COL25A1: variants seen among roughly 807,000 people sequenced by gnomAD.
COL25A1 encodes the protein collagen type XXV alpha 1 chain.
A neutral mutation model predicts 128.4 loss-of-function variants in COL25A1; 103 were observed. The ratio of observed to expected loss-of-function variants is 0.80; its 90% CI spans 0.68 to 0.94. The LOEUF (loss-of-function observed/expected upper bound fraction) is 0.94. Ranked by LOEUF, COL25A1 falls within the 40% of genes least tolerant of loss-of-function variation. COL25A1 has a pLI of 0.00. For missense variants in COL25A1, 745 were observed against 840.0 expected (o/e 0.89, Z 1.40); for synonymous variants, 279 against 277.2 (o/e 1.01, Z -0.06).
chr4:109,182,702 C>T (rs1346191082), intron 3 of COL25A1, among the ~76,000 whole-genome samples: 4 of 152,032 alleles, frequency 2.6e-5, no homozygotes, highest in Admixed American at 2.6e-4. Flanking sequence ...TTAAACAAAA[C>T]TGCGATGACA....
intron 3 of COL25A1, among the ~76,000 whole-genome samples, chr4:109,287,107 G>T (rs936211501): frequency 2.6e-5 from 4 of 152,138 alleles, no homozygotes; most frequent in Non-Finnish European, 5.9e-5. Context: ...TATTTTTGAA[G>T]TCATGAAAAG....
chr4:109,225,631 A>G (rs1778750522), intron 3 of COL25A1, among the ~76,000 whole-genome samples: 1 of 152,180 alleles, frequency 6.6e-6, no homozygotes, highest in African/African-American at 2.4e-5. Flanking sequence ...AATTATATCA[A>G]AAAGAAACCT....
intron 3 of COL25A1, among the ~76,000 whole-genome samples, chr4:109,173,867 A>G (rs950208709): frequency 7.2e-5 from 11 of 152,018 alleles, no homozygotes; most frequent in African/African-American, 2.7e-4. Flanking sequence ...TTTGCATTAT[A>G]CTTACCGGTT....
chr4:109,010,379 A>T lies in COL25A1; in HGVS notation c.421-4T>A, dbSNP rs1286180462. ...TTACCTGAGGACCAGGCTGTCCCTG[A>T]AATTAAAAAGAAAAAGAAAAACAAT... On this transcript the variant is annotated splice_region_variant and splice_polypyrimidine_tract_variant and intron_variant, in intron 5 of 37. Coordinates refer to ENST00000399132, the MANE Select transcript of COL25A1 (RefSeq NM_198721.4). 1.3e-6 allele frequency: 2 copies of T among 1,571,652 alleles called. No individual in the cohort carries two copies. The highest frequency in any genetic ancestry group is 2.8e-5 in the African/African-American group (2 of 72,130).
At position 108,809,043 on chromosome 4, in the gene COL25A1, C is replaced by A. The variant is rs893551394; in HGVS notation, c.*4884G>T. ...AAAAATTGAACAGGGAGAATTCAAT[C>A]TTTCAATTATTTACACTACTGAGAT... On this transcript the variant is annotated 3_prime_UTR_variant, in exon 38 of 38. Transcript: ENST00000399132. The A allele has an allele frequency of 6.6e-6, 1 of 152,082 alleles. No homozygotes were observed. The highest frequency in any genetic ancestry group is 1.9e-4 in the East Asian group (1 of 5,194). 9.4% of individuals were successfully genotyped at this position (152,082 alleles called of 1,614,324 possible).
intron 5 of COL25A1, among the ~76,000 whole-genome samples, chr4:109,040,496 T>C (rs892103969): frequency 1.3e-5 from 2 of 152,246 alleles, no homozygotes; most frequent in African/African-American, 4.8e-5. Flanking sequence ...ACATTCAAAA[T>C]GTGTCTAAGC....
At chr4:108,984,409 T>TG in intron 6 of COL25A1, among the ~76,000 whole-genome samples, 1 of 151,924 alleles carries the variant, frequency 6.6e-6, no homozygotes, top group East Asian at 2.0e-4. Flanking sequence ...AGCCCTTGGG[T>TG]GGTTGATGGG....
At chr4:109,257,511 T>C (rs2126251759) in intron 3 of COL25A1, among the ~76,000 whole-genome samples, 1 of 152,290 alleles carries the variant, frequency 6.6e-6, no homozygotes, top group Non-Finnish European at 1.5e-5. Flanking sequence ...AATACTTGGA[T>C]AGGAAGAAAA....
chr4:109,214,268 A>G (rs2881148), intron 3 of COL25A1, among the ~76,000 whole-genome samples: 46,443 of 151,970 alleles, frequency 0.31, 7,470 homozygotes, highest in Middle Eastern at 0.4. Flanking sequence ...CATAAAATCA[A>G]TTAGGTTGTT....
Position 108,940,530 on chromosome 4 carries a change from G to A in COL25A1, c.672+9C>T. On this transcript the variant is annotated intron_variant, in intron 10 of 37. Coordinates refer to ENST00000399132, the MANE Select transcript of COL25A1 (RefSeq NM_198721.4). ...CGTGTGAGAATAAGTGATCCAAAAA[G>A]CGACTCACGGGTACTCCTGGCATTC... The A allele has an allele frequency of 6.2e-7, 1 of 1,608,878 alleles. No homozygotes were observed. The highest frequency in any genetic ancestry group is 8.5e-7 in the Non-Finnish European group (1 of 1,175,256).
intron 24 of COL25A1, among the ~76,000 whole-genome samples, chr4:108,858,565 G>A (rs1736789985): frequency 1.3e-5 from 2 of 152,148 alleles, no homozygotes; most frequent in Non-Finnish European, 2.9e-5. Context: ...TCGTAGGTGG[G>A]AAAGGTAACC....
chr4:109,204,279 G>A (rs974284056), intron 3 of COL25A1, among the ~76,000 whole-genome samples: 1 of 151,992 alleles, frequency 6.6e-6, no homozygotes, highest in Admixed American at 6.6e-5. Context: ...ATCCCAAAGT[G>A]GCTGGATTAC....
intron 6 of COL25A1, among the ~76,000 whole-genome samples, chr4:108,990,562 A>AATCT (rs1325083519): frequency 6.6e-6 from 1 of 151,934 alleles, no homozygotes; most frequent in African/African-American, 2.4e-5. Flanking sequence ...TATCCCAAAA[A>AATCT]ATCTATCTAC....
chr4:109,144,285 C>T (rs1770722165), intron 3 of COL25A1, among the ~76,000 whole-genome samples: 1 of 152,190 alleles, frequency 6.6e-6, no homozygotes, highest in Admixed American at 6.5e-5. Flanking sequence ...CCCAGAGGGG[C>T]ACCTGCTAGA....
intron 20 of COL25A1, among the ~76,000 whole-genome samples, chr4:108,867,837 G>T (rs143167574): frequency 6.6e-6 from 1 of 151,904 alleles, no homozygotes; most frequent in Non-Finnish European, 1.5e-5. Context: ...TGTCTTTCAG[G>T]GTAGATAAAA....
intron 19 of COL25A1, among the ~76,000 whole-genome samples, chr4:108,876,342 G>C (rs1739451761): frequency 2.0e-5 from 3 of 151,890 alleles, no homozygotes; most frequent in Admixed American, 6.6e-5. Flanking sequence ...CAAGAGGAGA[G>C]AGAAATAATA....
intron 3 of COL25A1, among the ~76,000 whole-genome samples, chr4:109,282,937 T>C (rs116458809): frequency 0.029 from 4,340 of 152,276 alleles, 96 homozygotes; most frequent in Non-Finnish European, 0.046. Context: ...CTAGTTACTA[T>C]CTAAACTTTA....
chr4:109,034,735 C>T (rs1384322202), intron 5 of COL25A1, among the ~76,000 whole-genome samples: 1 of 152,162 alleles, frequency 6.6e-6, no homozygotes, highest in East Asian at 1.9e-4. Context: ...AGAAAAGTTT[C>T]AGCTACAAGA....
chr4:108,916,728 CAATATTCTAAACAG>C (rs1456014850), intron 13 of COL25A1, among the ~76,000 whole-genome samples: 2 of 152,108 alleles, frequency 1.3e-5, no homozygotes, highest in African/African-American at 4.8e-5. Context: ...CCATGATCTG[CAATATTCTAAACAG>C]AATATTCTAA....
Sources: gnomAD v4.1 joint callset for allele counts (sites outside exome capture counted in the v4.1 genomes callset) on GRCh38, gnomAD v4.1.1 for gene constraint, MANE v1.5 for transcripts, NCBI Gene and HGNC (gene_info 2026-07-23, HGNC 2026-07-21) for gene names.